GRIK2: variants seen among roughly 807,000 people sequenced by gnomAD.
GRIK2 encodes glutamate receptor ionotropic, kainate 2.
In GRIK2, 32 loss-of-function variants were observed where a neutral mutation model predicts 100.3. The ratio of observed to expected loss-of-function variants is 0.32; its 90% CI spans 0.24 to 0.43. The LOEUF (loss-of-function observed/expected upper bound fraction) is 0.43, where lower values mean the gene tolerates loss of function less well. Among genes scored for constraint, GRIK2 ranks in the 20% least tolerant of loss-of-function variants. The pLI, the probability that GRIK2 is intolerant of heterozygous loss-of-function variation, is 1.00. For missense variants in GRIK2, 843 were observed against 1,114.9 expected, an observed-to-expected ratio of 0.76 and a Z score of 3.47; for synonymous variants, 417 against 389.4, an observed-to-expected ratio of 1.07 and a Z score of -0.83.
intron 10 of GRIK2, among the ~76,000 whole-genome samples, chr6:101,821,888 C>A (rs919192616): frequency 1.3e-5 from 2 of 151,986 alleles, no homozygotes; most frequent in African/African-American, 4.8e-5. Context: ...TGAATAATGA[C>A]ATTTCTCCCA....
At chr6:101,480,785 GTCT>G (rs1337446971) in intron 2 of GRIK2, among the ~76,000 whole-genome samples, 3 of 152,100 alleles carry the variant, frequency 2.0e-5, no homozygotes, top group African/African-American at 7.2e-5. Flanking sequence ...CTCTTCTTCA[GTCT>G]TCTTTTTGTT....
At chr6:101,477,899 C>G (rs1772326403) in intron 2 of GRIK2, among the ~76,000 whole-genome samples, 1 of 152,080 alleles carries the variant, frequency 6.6e-6, no homozygotes. Context: ...TCAGTATGTC[C>G]TGCTTGCCAT....
intron 7 of GRIK2, among the ~76,000 whole-genome samples, chr6:101,753,393 A>C (rs1440829685): frequency 6.6e-6 from 1 of 152,068 alleles, no homozygotes; most frequent in Non-Finnish European, 1.5e-5. Flanking sequence ...AAGCAAGGGC[A>C]TTTTAAAGGA....
At chr6:101,544,113 C>G (rs963563245) in intron 2 of GRIK2, among the ~76,000 whole-genome samples, 25 of 152,022 alleles carry the variant, frequency 1.6e-4, no homozygotes, top group Admixed American at 3.9e-4. Flanking sequence ...GTACTTTCAT[C>G]CCTTTTTACT....
At chr6:102,046,438 G>GTGAT (rs1198405268) in intron 15 of GRIK2, among the ~76,000 whole-genome samples, 2 of 151,980 alleles carry the variant, frequency 1.3e-5, no homozygotes, top group Non-Finnish European at 2.9e-5. Flanking sequence ...TGCTCTTCTT[G>GTGAT]TGATAGTGAG....
chr6:101,567,000 ATT>A (rs2128297706), intron 2 of GRIK2, among the ~76,000 whole-genome samples: 1 of 151,270 alleles, frequency 6.6e-6, no homozygotes, highest in African/African-American at 2.4e-5. Flanking sequence ...ATATATATCT[ATT>A]AAATAAAAAT....
rs547717003 is a variant in GRIK2 at position 101,755,606 on chromosome 6, G to A, written c.952-44042G>A. Among the ~76,000 whole-genome samples, 274 of 152,236 alleles carry A rather than the reference G, an allele frequency of 1.8e-3. 4 individuals carry two copies. The highest frequency in any genetic ancestry group is 6.1e-3 in the African/African-American group (254 of 41,534). On this transcript the variant is annotated intron_variant, in intron 7 of 16. Coordinates refer to ENST00000369134, the MANE Select transcript of GRIK2 (RefSeq NM_021956.5). ...GGGAGAAAATGAGTTCCATCTTCCA[G>A]ATAAACTAGTGTGTTATCTGCCTTA... is the stretch of plus-strand genomic sequence containing the variant.
At chr6:101,699,822 A>G (rs1772755185) in intron 7 of GRIK2, among the ~76,000 whole-genome samples, 1 of 152,050 alleles carries the variant, frequency 6.6e-6, no homozygotes, top group Admixed American at 6.6e-5. Flanking sequence ...AAAAGAAAAA[A>G]GTCACTAAAT....
chr6:101,774,719 G>A (rs568413331), intron 7 of GRIK2, among the ~76,000 whole-genome samples: 1 of 152,224 alleles, frequency 6.6e-6, no homozygotes, highest in Admixed American at 6.5e-5. Context: ...TATTTAAAAA[G>A]TGAAGAGTTT....
chr6:101,703,180 G>C (rs574920705), intron 7 of GRIK2, among the ~76,000 whole-genome samples: 37 of 151,978 alleles, frequency 2.4e-4, no homozygotes, highest in Non-Finnish European at 4.9e-4. Flanking sequence ...GAATAAATTT[G>C]TGAGTCATTA....
intron 14 of GRIK2, among the ~76,000 whole-genome samples, chr6:101,965,537 TA>T (rs137942098): frequency 0.097 from 14,746 of 152,144 alleles, 1,940 homozygotes; most frequent in African/African-American, 0.3. Context: ...TTAGTCTTAA[TA>T]AAAAAAGTAA....
chr6:101,976,986 G>A (rs1316764219), intron 14 of GRIK2, among the ~76,000 whole-genome samples: 1 of 151,818 alleles, frequency 6.6e-6, no homozygotes, highest in Non-Finnish European at 1.5e-5. Flanking sequence ...CTGTCCATGT[G>A]TACATGTAAT....
chr6:101,694,169 T>G (rs1300235939), intron 7 of GRIK2, among the ~76,000 whole-genome samples: 1 of 152,044 alleles, frequency 6.6e-6, no homozygotes, highest in African/African-American at 2.4e-5. Context: ...AAGCAATGAA[T>G]GTGACCTTGA....
intron 14 of GRIK2, among the ~76,000 whole-genome samples, chr6:101,979,745 G>T (rs1462578152): frequency 6.6e-6 from 1 of 151,922 alleles, no homozygotes; most frequent in Non-Finnish European, 1.5e-5. Flanking sequence ...AGTGTAATTT[G>T]TCTAAGTTAG....
Position 101,865,443 on chromosome 6 carries a change from G to A in GRIK2, c.1524+5950G>A, listed in dbSNP as rs118107301. ...ATTTGTTTTTCAGGGAACTTAAAAA[G>A]GCTCCAGGTATTATCACAAAAATGG... is the stretch of plus-strand genomic sequence containing the variant. On this transcript the variant is annotated intron_variant, in intron 11 of 16. Transcript: ENST00000369134. 7.4e-4 allele frequency among the ~76,000 whole-genome samples: 112 copies of A among 152,250 alleles called. 1 individual carries two copies. The East Asian group carries it at 0.02, about 27-fold the overall frequency.
intron 2 of GRIK2, among the ~76,000 whole-genome samples, chr6:101,587,406 GTCCA>G (rs560820343): frequency 1.8e-3 from 277 of 151,934 alleles, no homozygotes; most frequent in Admixed American, 2.7e-3. Context: ...CTGTCCCTCC[GTCCA>G]TCCATCCATT....
intron 10 of GRIK2, among the ~76,000 whole-genome samples, chr6:101,847,747 C>T (rs995870702): frequency 2.6e-5 from 4 of 152,050 alleles, no homozygotes; most frequent in Middle Eastern, 3.2e-3. Context: ...CAGGTCCTTT[C>T]TGAGCATACA....
chr6:101,474,979 C>G (rs1454841868), intron 2 of GRIK2, among the ~76,000 whole-genome samples: 3 of 151,590 alleles, frequency 2.0e-5, no homozygotes, highest in Non-Finnish European at 3.0e-5. Context: ...TTCCCATAGT[C>G]CCATCCAACC....
In GRIK2 at chr6:101,581,832, G is replaced by C. The variant is rs1038807481; in HGVS notation, c.116-40117G>C. ...AAGGGGAAATAAGATTGGTGTCTTT[G>C]AGAAACTGACACCTAAAAATGGGCC... On this transcript the variant is annotated intron_variant, in intron 2 of 16. Coordinates refer to ENST00000369134, the MANE Select transcript of GRIK2 (RefSeq NM_021956.5). 4.6e-5 allele frequency among the ~76,000 whole-genome samples: 7 copies of C among 152,094 alleles called. No homozygotes were observed. The South Asian group carries it at 1.2e-3, about 27-fold the overall frequency.
Sources: gnomAD v4.1 joint callset for allele counts (sites outside exome capture counted in the v4.1 genomes callset) on GRCh38, gnomAD v4.1.1 for gene constraint, MANE v1.5 for transcripts, NCBI Gene and HGNC (gene_info 2026-07-23, HGNC 2026-07-21) for gene names.